Variants in CAB39L observed in about 807,000 individuals in gnomAD.
CAB39L encodes calcium-binding protein 39-like.
CAB39L carries 23 observed loss-of-function variants against 39.1 expected under a neutral mutation model. The ratio of observed to expected loss-of-function variants is 0.59; its 90% CI spans 0.42 to 0.83. CAB39L has a LOEUF of 0.83. Among genes scored for constraint, CAB39L ranks in the 40% least tolerant of loss-of-function variants. The probability of loss-of-function intolerance (pLI) is 0.00; values close to 1 mark genes in which losing one functional copy is unlikely to be tolerated. For missense variants in CAB39L, 366 were observed against 391.9 expected (o/e 0.93, Z 0.56); for synonymous variants, 126 against 137.2 (o/e 0.92, Z 0.57).
chr13:49,409,211 CTG>C (rs528963282), intron 3 of CAB39L, among the ~76,000 whole-genome samples: 99 of 152,236 alleles, frequency 6.5e-4, no homozygotes, highest in African/African-American at 2.3e-3. Context: ...TTCCGGGAAA[CTG>C]GTAACACTGG....
intron 3 of CAB39L, among the ~76,000 whole-genome samples, chr13:49,410,809 ATCTC>A (rs140222736): frequency 0.043 from 6,476 of 152,264 alleles, 181 homozygotes; most frequent in Middle Eastern, 0.078. Flanking sequence ...GAATGGAAAA[ATCTC>A]TATGGAATTC....
chr13:49,319,424 C>T (rs140616653), intron 10 of CAB39L, among the ~76,000 whole-genome samples: 579 of 152,076 alleles, frequency 3.8e-3, no homozygotes, highest in Non-Finnish European at 5.2e-3. Context: ...GACTAATGAT[C>T]GCCAGGGGAT....
intron 3 of CAB39L, among the ~76,000 whole-genome samples, chr13:49,423,182 A>C (rs1182327644): frequency 1.1e-4 from 16 of 152,236 alleles, no homozygotes; most frequent in Non-Finnish European, 2.4e-4. Flanking sequence ...CAGGTGAAAC[A>C]GATTACTGGG....
Position 49,379,719 on chromosome 13 carries a change from A to C in CAB39L, c.112-2588T>G, listed in dbSNP as rs1233958404. On this transcript the variant is annotated intron_variant, in intron 4 of 10. Coordinates refer to ENST00000409308, the MANE Select transcript of CAB39L (RefSeq NM_001079670.3). Reference sequence around the variant, plus strand: ...AAAAAATAAATTTAAAAAAAAAAAAAAACAAAAAAACAAAAACAGTAAGCA... The same window carrying C: ...AAAAAATAAATTTAAAAAAAAAAAACAACAAAAAAACAAAAACAGTAAGCA... Among the ~76,000 whole-genome samples the C allele has an allele frequency of 5.9e-5, 2 of 33,834 alleles. 1 individual carries two copies. Among genetic ancestry groups the C allele is most frequent in the Non-Finnish European group, 1.3e-4 (2 of 15,860 alleles). 22.2% of individuals were successfully genotyped at this position (33,834 alleles called of 152,430 possible). A position where few individuals can be genotyped will look rare whatever the true frequency, so the allele number is the denominator to read the frequency against.
chr13:49,366,261 G>T (rs1160783061), intron 5 of CAB39L, among the ~76,000 whole-genome samples: 1 of 152,006 alleles, frequency 6.6e-6, no homozygotes, highest in African/African-American at 2.4e-5. Flanking sequence ...ATAAATGCTT[G>T]AGAGGATGGA....
chr13:49,380,366 C>T (rs1460364429), intron 4 of CAB39L, among the ~76,000 whole-genome samples: 3 of 152,072 alleles, frequency 2.0e-5, no homozygotes, highest in Non-Finnish European at 4.4e-5. Flanking sequence ...TTTGTCAATC[C>T]ATTTATTCCT....
chr13:49,426,689 T>C (rs1317121393), intron 3 of CAB39L, among the ~76,000 whole-genome samples: 3 of 152,146 alleles, frequency 2.0e-5, no homozygotes, highest in Non-Finnish European at 4.4e-5. Context: ...CCTCCCAAAG[T>C]GGTGGGATTA....
At chr13:49,408,910 C>T (rs532470869) in intron 3 of CAB39L, among the ~76,000 whole-genome samples, 1 of 151,874 alleles carries the variant, frequency 6.6e-6, no homozygotes, top group African/African-American at 2.4e-5. Flanking sequence ...TATCGTGTGA[C>T]CAAAAAAACC....
chr13:49,321,837 A>G (rs1009439739), intron 10 of CAB39L, among the ~76,000 whole-genome samples: 1 of 152,200 alleles, frequency 6.6e-6, no homozygotes, highest in Non-Finnish European at 1.5e-5. Flanking sequence ...AGCTAAATGC[A>G]AGGTGGATGT....
chr13:49,434,330 C>T (rs1021652133), intron 1 of CAB39L, 107 bp from the exon 2 acceptor site: 4 of 361,758 alleles, frequency 1.1e-5, no homozygotes, highest in Non-Finnish European at 2.2e-5. Context: ...AATTTTTAAT[C>T]TCTCTGAACC....
chr13:49,425,929 AT>A (rs1330951714), intron 3 of CAB39L, among the ~76,000 whole-genome samples: 4 of 152,154 alleles, frequency 2.6e-5, no homozygotes, highest in Admixed American at 2.6e-4. Flanking sequence ...CAGTTTTCTC[AT>A]CATGCTTCCT....
At chr13:49,320,151 A>G (rs1242606104) in intron 10 of CAB39L, among the ~76,000 whole-genome samples, 3 of 152,354 alleles carry the variant, frequency 2.0e-5, no homozygotes, top group Admixed American at 6.5e-5. Context: ...ACACTGGTCA[A>G]GGCCTGAGAT....
intron 10 of CAB39L, among the ~76,000 whole-genome samples, chr13:49,328,826 C>T (rs537475573): frequency 2.6e-5 from 4 of 152,072 alleles, no homozygotes; most frequent in African/African-American, 9.7e-5. Context: ...CATAGTGAGA[C>T]CCTGTCTCAA....
chr13:49,336,088 CAAA>C (rs1202724868), intron 9 of CAB39L, among the ~76,000 whole-genome samples: 1 of 144,050 alleles, frequency 6.9e-6, no homozygotes, highest in East Asian at 2.0e-4. Context: ...AAGGAAAAAC[CAAA>C]ATTGCATCAG....
intron 3 of CAB39L, among the ~76,000 whole-genome samples, chr13:49,391,686 CTTGAA>C (rs1566112483): frequency 6.6e-6 from 1 of 151,962 alleles, no homozygotes; most frequent in Non-Finnish European, 1.5e-5. Context: ...AAACCTGTTT[CTTGAA>C]TTGTTTATTA....
intron 7 of CAB39L, among the ~76,000 whole-genome samples, chr13:49,344,678 C>T (rs1175405025): frequency 2.0e-5 from 3 of 152,132 alleles, no homozygotes; most frequent in African/African-American, 7.2e-5. Flanking sequence ...CCCGCCACCA[C>T]ATCCGGCTTT....
chr13:49,396,804 G>A (rs889551091), intron 3 of CAB39L, among the ~76,000 whole-genome samples: 4 of 152,062 alleles, frequency 2.6e-5, no homozygotes, highest in East Asian at 3.9e-4. Flanking sequence ...GAAATCAAGT[G>A]TACATGGCAA....
chr13:49,313,435 C>T (rs923984301), intron 10 of CAB39L, among the ~76,000 whole-genome samples: 33 of 151,078 alleles, frequency 2.2e-4, no homozygotes, highest in African/African-American at 7.8e-4. Flanking sequence ...GAGCTGAGAT[C>T]GCGCCACTGC....
intron 5 of CAB39L, 88 bp downstream of exon 5, chr13:49,376,879 A>G (rs949107448): frequency 3.7e-6 from 4 of 1,074,742 alleles, no homozygotes; most frequent in Non-Finnish European, 5.1e-6. Flanking sequence ...AATGAAAAGC[A>G]AAAGTTGAAT....
Sources: allele counts gnomAD v4.1 joint callset (sites outside exome capture counted in the v4.1 genomes callset), GRCh38; gene constraint gnomAD v4.1.1; transcripts MANE v1.5; gene names NCBI Gene and HGNC (gene_info 2026-07-23, HGNC 2026-07-21).